Variants in LDLRAD3 observed in about 807,000 individuals in gnomAD.
LDLRAD3 encodes low density lipoprotein receptor class A domain containing 3.
Under a neutral mutation model 29.4 loss-of-function variants are expected in LDLRAD3, and 20 were observed. That is an observed-to-expected ratio of 0.68 (90% CI 0.48 to 0.99). The LOEUF is 0.99. LDLRAD3 is among the 50% of genes least tolerant of loss of function. LDLRAD3 has a pLI of 0.00. For missense variants in LDLRAD3, 420 were observed against 454.3 expected (o/e 0.92, Z 0.69); for synonymous variants, 157 against 192.7 (o/e 0.81, Z 1.53).
At chr11:36,120,616 T>C (rs1853742475) in intron 4 of LDLRAD3, among the ~76,000 whole-genome samples, 1 of 152,156 alleles carries the variant, frequency 6.6e-6, no homozygotes, top group Non-Finnish European at 1.5e-5. Context: ...AGGCATTAGT[T>C]AATTTGCCCT....
chr11:35,966,224 A>T (rs534853328), intron 1 of LDLRAD3, among the ~76,000 whole-genome samples: 1 of 152,296 alleles, frequency 6.6e-6, no homozygotes, highest in East Asian at 1.9e-4. Flanking sequence ...CAGGAGTTTG[A>T]GACCAGCCTG....
At chr11:36,130,644 T>A (rs1002251570) in intron 4 of LDLRAD3, among the ~76,000 whole-genome samples, 2 of 152,192 alleles carry the variant, frequency 1.3e-5, no homozygotes, top group Non-Finnish European at 2.9e-5. Flanking sequence ...AACCCTGGTC[T>A]GAGCGCCTGC....
intron 4 of LDLRAD3, among the ~76,000 whole-genome samples, chr11:36,199,669 A>T (rs1855093528): frequency 6.6e-6 from 1 of 152,174 alleles, no homozygotes; most frequent in African/African-American, 2.4e-5. Flanking sequence ...ACAGGCCTCA[A>T]CCTTCTAACA....
intron 4 of LDLRAD3, among the ~76,000 whole-genome samples, chr11:36,129,227 C>T (rs1391043807): frequency 1.3e-5 from 2 of 152,190 alleles, no homozygotes; most frequent in East Asian, 1.9e-4. Flanking sequence ...CTGAGAAGAA[C>T]ACTATTAGCC....
chr11:36,017,753 G>C (rs982341800), intron 1 of LDLRAD3, among the ~76,000 whole-genome samples: 4 of 151,998 alleles, frequency 2.6e-5, no homozygotes, highest in African/African-American at 9.7e-5. Context: ...TCCAACTCCC[G>C]ACCTCAAGTG....
chr11:36,203,314 C>T (rs1029974480), intron 4 of LDLRAD3, among the ~76,000 whole-genome samples: 4 of 152,156 alleles, frequency 2.6e-5, no homozygotes, highest in Non-Finnish European at 5.9e-5. Flanking sequence ...TCACAAACAC[C>T]TCATGAGATG....
intron 1 of LDLRAD3, among the ~76,000 whole-genome samples, chr11:36,025,751 A>G: frequency 7.0e-6 from 1 of 143,376 alleles, no homozygotes; most frequent in African/African-American, 2.6e-5. Flanking sequence ...CAGTTGCCAG[A>G]GGTACCCATG....
intron 1 of LDLRAD3, among the ~76,000 whole-genome samples, chr11:35,982,936 C>A (rs1851561163): frequency 6.7e-6 from 1 of 150,200 alleles, no homozygotes; most frequent in African/African-American, 2.5e-5. Flanking sequence ...TCATTACAAC[C>A]TCTGCTTCCC....
At chr11:36,158,582 T>G (rs1471799697) in intron 4 of LDLRAD3, among the ~76,000 whole-genome samples, 1 of 143,522 alleles carries the variant, frequency 7.0e-6, no homozygotes, top group Admixed American at 7.1e-5. Flanking sequence ...CAATATACCC[T>G]ATAACTTTTT....
intron 4 of LDLRAD3, among the ~76,000 whole-genome samples, chr11:36,100,219 C>A (rs544436393): frequency 1.3e-5 from 2 of 152,160 alleles, no homozygotes; most frequent in Admixed American, 6.5e-5. Flanking sequence ...CTACAGTCAC[C>A]TGAGAGAGGT....
At chr11:35,957,464 A>G (rs1851217366) in intron 1 of LDLRAD3, among the ~76,000 whole-genome samples, 1 of 152,192 alleles carries the variant, frequency 6.6e-6, no homozygotes, top group African/African-American at 2.4e-5. Flanking sequence ...GGTCATGAGA[A>G]TCCAGTTGGA....
chr11:36,162,446 T>C (rs941429064), intron 4 of LDLRAD3, among the ~76,000 whole-genome samples: 1 of 152,170 alleles, frequency 6.6e-6, no homozygotes, highest in Non-Finnish European at 1.5e-5. Context: ...CGTCTCCTGA[T>C]TTATAGCTTG....
At chr11:35,954,961 A>G (rs906250114) in intron 1 of LDLRAD3, among the ~76,000 whole-genome samples, 2 of 152,348 alleles carry the variant, frequency 1.3e-5, no homozygotes, top group African/African-American at 4.8e-5. Context: ...GGTCTGTTTT[A>G]TAAAATAACA....
intron 4 of LDLRAD3, among the ~76,000 whole-genome samples, chr11:36,111,992 T>A (rs1301238229): frequency 6.6e-6 from 1 of 152,234 alleles, no homozygotes; most frequent in East Asian, 1.9e-4. Context: ...TTTTGTGCCC[T>A]TTATCATGTG....
At chr11:36,051,153 G>T (rs1452672840) in intron 2 of LDLRAD3, among the ~76,000 whole-genome samples, 1 of 152,178 alleles carries the variant, frequency 6.6e-6, no homozygotes, top group Non-Finnish European at 1.5e-5. Context: ...CCTAAATATA[G>T]CCCTGAGGGT....
intron 2 of LDLRAD3, among the ~76,000 whole-genome samples, chr11:36,051,653 C>G (rs1852530018): frequency 6.6e-6 from 1 of 152,200 alleles, no homozygotes; most frequent in Admixed American, 6.5e-5. Flanking sequence ...CATCATCTGT[C>G]AGTCACCAGA....
intron 2 of LDLRAD3, among the ~76,000 whole-genome samples, chr11:36,045,347 T>C (rs1254171539): frequency 6.6e-6 from 1 of 152,228 alleles, no homozygotes; most frequent in Non-Finnish European, 1.5e-5. Context: ...CTGGTTTTAT[T>C]AGTTTCCTAG....
At chr11:36,059,816 C>T (rs191641885) in intron 2 of LDLRAD3, among the ~76,000 whole-genome samples, 109 of 152,278 alleles carry the variant, frequency 7.2e-4, no homozygotes, top group African/African-American at 2.3e-3. Context: ...ACTAGAGCAC[C>T]ATTGAGAGTG....
chr11:36,229,635 CG>C lies in LDLRAD3; in HGVS notation c.*239del. The C allele has an allele frequency of 1.1e-5, 5 of 471,378 alleles. No homozygotes were observed. Among genetic ancestry groups the C allele is most frequent in the South Asian group, 5.0e-5 (1 of 20,078 alleles). 29.2% of individuals were successfully genotyped at this position (471,378 alleles called of 1,614,324 possible). On this transcript the variant is annotated 3_prime_UTR_variant, in exon 6 of 6. Coordinates refer to ENST00000315571, the MANE Select transcript of LDLRAD3 (RefSeq NM_174902.4). Reference sequence around the variant, plus strand: ...GTCAGGTCACTCTTCCCTTGGGACCCGAGATCACACCCTCATTTTTCACATT... The same window carrying C: ...GTCAGGTCACTCTTCCCTTGGGACCCAGATCACACCCTCATTTTTCACATT...
Sources: gnomAD v4.1 joint callset for allele counts (sites outside exome capture counted in the v4.1 genomes callset) on GRCh38, gnomAD v4.1.1 for gene constraint, MANE v1.5 for transcripts, NCBI Gene and HGNC (gene_info 2026-07-23, HGNC 2026-07-21) for gene names.